TEAD1: variants seen among roughly 807,000 people sequenced by gnomAD.
TEAD1 encodes the protein transcriptional enhancer factor TEF-1.
TEAD1 carries 9 observed loss-of-function variants against 54.9 expected under a neutral mutation model. The observed-to-expected ratio is 0.16, with a 90% CI of 0.10 to 0.29. The LOEUF is 0.29. TEAD1 is among the 10% of genes least tolerant of loss of function. The probability of loss-of-function intolerance (pLI) is 1.00; values close to 1 mark genes in which losing one functional copy is unlikely to be tolerated. For synonymous variants in TEAD1, 200 were observed against 187.8 expected (o/e 1.07, Z -0.53); for missense variants, 387 against 535.9 (o/e 0.72, Z 2.74).
intron 2 of TEAD1, among the ~76,000 whole-genome samples, chr11:12,687,346 C>T (rs941220350): frequency 2.6e-5 from 4 of 152,178 alleles, no homozygotes; most frequent in African/African-American, 9.7e-5. Flanking sequence ...TAGTTGTGCT[C>T]ATTCCTGGGC....
At chr11:12,819,092 T>C (rs994844304) in intron 3 of TEAD1, among the ~76,000 whole-genome samples, 2 of 152,270 alleles carry the variant, frequency 1.3e-5, no homozygotes, top group Middle Eastern at 6.8e-3. Flanking sequence ...ACCTAAACTT[T>C]AGAATTGGGA....
chr11:12,818,485 A>G (rs1946463343), intron 3 of TEAD1, among the ~76,000 whole-genome samples: 1 of 152,084 alleles, frequency 6.6e-6, no homozygotes, highest in Non-Finnish European at 1.5e-5. Context: ...TGGTTTGGAG[A>G]TCAGTGGTGG....
At chr11:12,761,414 G>C (rs1355432656) in intron 2 of TEAD1, among the ~76,000 whole-genome samples, 1 of 152,206 alleles carries the variant, frequency 6.6e-6, no homozygotes, top group Admixed American at 6.5e-5. Flanking sequence ...CACTAAGTGT[G>C]CAGTTATGAT....
intron 10 of TEAD1, among the ~76,000 whole-genome samples, chr11:12,903,181 A>G (rs974340860): frequency 6.6e-6 from 1 of 152,182 alleles, no homozygotes; most frequent in African/African-American, 2.4e-5. Context: ...CCACCTAGGA[A>G]AAAAGGCTCG....
At chr11:12,763,623 T>C (rs1350094052) in intron 2 of TEAD1, among the ~76,000 whole-genome samples, 2 of 152,226 alleles carry the variant, frequency 1.3e-5, no homozygotes, top group Admixed American at 6.5e-5. Flanking sequence ...GATGATCTCA[T>C]ATTGGGATAG....
At chr11:12,720,463 C>G (rs1421239511) in intron 2 of TEAD1, among the ~76,000 whole-genome samples, 1 of 152,162 alleles carries the variant, frequency 6.6e-6, no homozygotes, top group Non-Finnish European at 1.5e-5. Flanking sequence ...TGCAACTTTA[C>G]TGTATGCCAG....
intron 3 of TEAD1, among the ~76,000 whole-genome samples, chr11:12,770,152 A>G (rs1467188941): frequency 6.6e-6 from 1 of 152,226 alleles, no homozygotes; most frequent in Non-Finnish European, 1.5e-5. Context: ...ACAGATGAGT[A>G]ATGGGGAATT....
intron 3 of TEAD1, among the ~76,000 whole-genome samples, chr11:12,860,585 A>G (rs1002587969): frequency 6.6e-6 from 1 of 152,178 alleles, no homozygotes; most frequent in Non-Finnish European, 1.5e-5. Flanking sequence ...GCTAGGGAAG[A>G]TCTGGGGGAT....
intron 5 of TEAD1, among the ~76,000 whole-genome samples, chr11:12,877,803 CT>C (rs1371165449): frequency 1.1e-5 from 1 of 94,124 alleles, no homozygotes; most frequent in Non-Finnish European, 1.9e-5. Context: ...CTCCTTCATT[CT>C]TTTTTTTTCT....
At chr11:12,818,296 C>G (rs1300164871) in intron 3 of TEAD1, among the ~76,000 whole-genome samples, 1 of 152,156 alleles carries the variant, frequency 6.6e-6, no homozygotes, top group South Asian at 2.1e-4. Flanking sequence ...CATCCTGCCT[C>G]CATGAAATTT....
At chr11:12,737,018 G>A (rs1278600136) in intron 2 of TEAD1, among the ~76,000 whole-genome samples, 2 of 152,188 alleles carry the variant, frequency 1.3e-5, no homozygotes, top group East Asian at 1.9e-4. Flanking sequence ...TAATTCTTGG[G>A]CAGTCCAGCT....
chr11:12,851,096 A>G, intron 3 of TEAD1: 2 of 982,866 alleles, frequency 2.0e-6, no homozygotes, highest in Non-Finnish European at 1.2e-6. Context: ...GAGCTCCTTC[A>G]TTCATTTATT....
rs149631197 is a variant in TEAD1, at chr11:12,823,741, G to C, written c.203-38509G>C. ...TATGTTGGGGATATGTCCAGTGTCAGATTTTTTTGTCCAAAATCCCATTAG... is the reference window on the plus strand; with the variant it reads ...TATGTTGGGGATATGTCCAGTGTCACATTTTTTTGTCCAAAATCCCATTAG... On this transcript the variant is annotated intron_variant, in intron 3 of 12. Transcript: ENST00000527636. 28 of 152,316 alleles carry C rather than the reference G, an allele frequency of 1.8e-4. No homozygotes were observed. In the East Asian group the frequency reaches 4.4e-3, roughly 24 times the overall value. 9.4% of individuals were successfully genotyped at this position (152,316 alleles called of 1,614,324 possible).
At chr11:12,803,372 G>A (rs980204997) in intron 3 of TEAD1, among the ~76,000 whole-genome samples, 1 of 152,202 alleles carries the variant, frequency 6.6e-6, no homozygotes, top group South Asian at 2.1e-4. Flanking sequence ...GAGCAGCTTT[G>A]TTTTTAGGCA....
chr11:12,893,568 G>A (rs188374894), intron 9 of TEAD1, among the ~76,000 whole-genome samples: 4 of 152,260 alleles, frequency 2.6e-5, no homozygotes, highest in East Asian at 3.9e-4. Context: ...TGGCAGGTCC[G>A]CACCCCACGC....
chr11:12,778,274 G>A (rs1318165272), intron 3 of TEAD1, among the ~76,000 whole-genome samples: 2 of 152,156 alleles, frequency 1.3e-5, no homozygotes, highest in East Asian at 3.8e-4. Flanking sequence ...AGTCCTGGAT[G>A]TTCTTACTGC....
At chr11:12,678,499 T>A (rs77245028) in intron 2 of TEAD1, among the ~76,000 whole-genome samples, 3,212 of 152,306 alleles carry the variant, frequency 0.021, 124 homozygotes, top group African/African-American at 0.074. Context: ...TTGAACCACA[T>A]CAGTGATACA....
chr11:12,840,427 G>A (rs554403706), intron 3 of TEAD1, among the ~76,000 whole-genome samples: 1 of 152,216 alleles, frequency 6.6e-6, no homozygotes, highest in South Asian at 2.1e-4. Flanking sequence ...TCAGTGTTGT[G>A]CTGGTAAATA....
At chr11:12,745,458 A>C (rs2133898264) in intron 2 of TEAD1, among the ~76,000 whole-genome samples, 1 of 152,262 alleles carries the variant, frequency 6.6e-6, no homozygotes. Flanking sequence ...TCTTCTATGA[A>C]ATTTTTGATC....
Sources: allele counts gnomAD v4.1 joint callset (sites outside exome capture counted in the v4.1 genomes callset), GRCh38; gene constraint gnomAD v4.1.1; transcripts MANE v1.5; gene names NCBI Gene and HGNC (gene_info 2026-07-23, HGNC 2026-07-21).